The following GGT6 variants were observed in gnomAD, a reference collection of about 807,000 sequenced individuals.
GGT6 encodes gamma-glutamyltransferase 6.
GGT6 carries 13 observed loss-of-function variants against 17.0 expected under a neutral mutation model. The ratio of observed to expected loss-of-function variants is 0.77; its 90% CI spans 0.50 to 1.22. GGT6 has a LOEUF of 1.22. GGT6 is among the 50% of genes most tolerant of loss of function. The probability of loss-of-function intolerance (pLI) is 0.00; values close to 1 mark genes in which losing one functional copy is unlikely to be tolerated. For synonymous variants in GGT6, 305 were observed against 297.9 expected (o/e 1.02, Z -0.25); for missense variants, 628 against 643.7 (o/e 0.98, Z 0.26).
intron 2 of GGT6, 45 bp downstream of exon 2, chr17:4,559,513 A>G (rs754670720): frequency 6.3e-7 from 1 of 1,590,422 alleles, no homozygotes; most frequent in Non-Finnish European, 8.6e-7. Context: ...TGGGCTGGTG[A>G]CCCCTGACCC....
rs768150882 is a variant in GGT6 at position 4,558,229 on chromosome 17, G to T, written c.1286C>A (p.Thr429Asn). 4 of 1,614,124 alleles carry T rather than the reference G, an allele frequency of 2.5e-6. No homozygotes were observed. The highest frequency in any genetic ancestry group is 3.4e-6 in the Non-Finnish European group (4 of 1,180,042). Residue 429 changes from threonine to asparagine, a missense_variant, in exon 4 of 4, where the codon ACC (threonine) becomes AAC (asparagine). Coordinates refer to ENST00000381550, the MANE Select transcript of GGT6 (RefSeq NM_001288702.2). ...AGTCATGGCCCTGGCCACATCAGGG[G>T]TCCCTGAAGCCACAAGCCCCAACAC... ...ADVLGLVASGTPDVARAMTHT... is the reference protein window; with the variant it reads ...ADVLGLVASGNPDVARAMTHT...
At position 4,558,972 on chromosome 17, in the gene GGT6, G is replaced by T; in HGVS notation, c.543C>A (p.Pro181=). The stretch of plus-strand genomic sequence containing the variant: ...GCAGAGCCGCGGGCAGCCCCAGGCC[G>T]GGGGCCAGGGTCTGTGCTGGGCCTG... ...LTSGPAQTLA[P]GLGLPAALPT... Residue 181 remains proline, a synonymous_variant, in exon 4 of 4, where the codon CCC becomes CCA. Transcript: ENST00000381550. 3 of 1,544,456 alleles carry T rather than the reference G, an allele frequency of 1.9e-6. No homozygotes were observed. Among genetic ancestry groups the T allele is most frequent in the Non-Finnish European group, 8.7e-7 (1 of 1,146,340 alleles).
chr17:4,559,506 G>A (rs886270920), intron 2 of GGT6, 50 bp from the exon 3 acceptor site: 1 of 1,585,846 alleles, frequency 6.3e-7, no homozygotes, highest in Non-Finnish European at 8.6e-7. Flanking sequence ...GCTAGGCTGG[G>A]CTGGTGACCC....
Position 4,559,766 on chromosome 17 carries a change from G to A in GGT6, c.141-6C>T, listed in dbSNP as rs1391384024. On this transcript the variant is annotated splice_region_variant and splice_polypyrimidine_tract_variant and intron_variant, in intron 1 of 3. Transcript: ENST00000381550. The stretch of plus-strand genomic sequence containing the variant: ...GCAGCCCGCCAGCCTTGTTCCTGCA[G>A]AGGGGGGGTGTCCTGAGCCACGGCT... 1 of 1,610,016 alleles carries A rather than the reference G, an allele frequency of 6.2e-7. No homozygotes were observed. The highest frequency in any genetic ancestry group is 1.7e-5 in the Admixed American group (1 of 59,998).
chr17:4,560,046 A>C (rs4790203), intron 1 of GGT6: 1 of 571,144 alleles, frequency 1.8e-6, no homozygotes, highest in Non-Finnish European at 3.1e-6. Flanking sequence ...CAGGCAGGAG[A>C]GAAGGGGCTG....
Position 4,559,857 on chromosome 17 carries a change from G to A in GGT6, c.141-97C>T, listed in dbSNP as rs1460785530. 7.1e-6 allele frequency: 8 copies of A among 1,126,354 alleles called. No homozygotes were observed. The East Asian group carries it at 1.5e-4, about 21-fold the overall frequency. The allele number at this position is 1,126,354 out of a possible 1,614,324, so 69.8% of individuals were successfully genotyped here. A position where few individuals can be genotyped will look rare whatever the true frequency, so the allele number is the denominator to read the frequency against. ...AATATTTCCCAAAAGGTTTGATTTA[G>A]CAAGAGGAGCACAAGTCAGCCAAGG... is the stretch of plus-strand genomic sequence containing the variant. On this transcript the variant is annotated intron_variant, in intron 1 of 3. Transcript: ENST00000381550.
At chr17:4,559,262 C>A in intron 3 of GGT6, 81 bp downstream of exon 3, 1 of 1,251,952 alleles carries the variant, frequency 8.0e-7, no homozygotes, top group South Asian at 1.3e-5. Context: ...GTCTTGAGGT[C>A]AGTGCTACTG....
chr17:4,558,565 G>T lies in GGT6; in HGVS notation c.950C>A (p.Thr317Asn). ...TTCTGGGCCAGCTGAGGGACTGGGGGTGGTGAACAGGATGCCCTGGGGCAC... is the reference window on the plus strand; with the variant it reads ...TTCTGGGCCAGCTGAGGGACTGGGGTTGGTGAACAGGATGCCCTGGGGCAC... ...LPVPQGILFT[T>N]PSPSAGPELL... The change falls in exon 4 of 4, where the codon ACC becomes AAC. Residue 317 changes from threonine to asparagine, a missense_variant. By Grantham distance (65) the Thr-to-Asn change is moderately conservative. Transcript: ENST00000381550. 6.4e-7 allele frequency: 1 copy of T among 1,568,898 alleles called. No homozygotes were observed. Among genetic ancestry groups the T allele is most frequent in the Non-Finnish European group, 8.6e-7 (1 of 1,156,930 alleles).
downstream of GGT6, among the ~76,000 whole-genome samples, chr17:4,556,706 C>T (rs887745311): frequency 2.0e-5 from 3 of 152,346 alleles, no homozygotes; most frequent in East Asian, 5.8e-4. Flanking sequence ...CAGCCGCTTC[C>T]CTGCTTTGCT....
chr17:4,558,168 A>G lies in GGT6; in HGVS notation c.1347T>C (p.Pro449=), dbSNP rs1340263373. ...CCTGATGCTGGTGCTGGGCCTGGGT[A>G]GGGGGCCTTGCTGCCAGATGCCTGA... ...TLLRHLAARP[P]TQAQHQHQGQ... is the part of the protein sequence containing the mutation. The change falls in exon 4 of 4, where the codon CCT becomes CCC. Residue 449 remains proline (P), a synonymous_variant. Coordinates refer to ENST00000381550, the MANE Select transcript of GGT6 (RefSeq NM_001288702.2). 1.2e-6 allele frequency: 2 copies of G among 1,613,946 alleles called. No homozygotes were observed. Among genetic ancestry groups the G allele is most frequent in the Admixed American group, 3.3e-5 (2 of 60,014 alleles).
intron 1 of GGT6, chr17:4,560,059 G>A (rs903751739): frequency 5.2e-6 from 3 of 571,780 alleles, no homozygotes; most frequent in African/African-American, 1.9e-5. Context: ...AGGGGCTGGG[G>A]AGCAGGCCCA....
chr17:4,558,185 G>C lies in GGT6; in HGVS notation c.1330C>G (p.Leu444Val). The C allele has an allele frequency of 1.2e-6, 2 of 1,614,128 alleles. No homozygotes were observed. Among genetic ancestry groups the C allele is most frequent in the Non-Finnish European group, 1.7e-6 (2 of 1,179,980 alleles). ...GCCTGGGTAGGGGGCCTTGCTGCCA[G>C]ATGCCTGAGTAGGGTGTGAGTCATG... is the stretch of plus-strand genomic sequence containing the variant. ...RAMTHTLLRH[L>V]AARPPTQAQH... The change falls in exon 4 of 4, where the codon CTG becomes GTG. Residue 444 changes from leucine (L) to valine (V), a missense_variant. Coordinates refer to ENST00000381550, the MANE Select transcript of GGT6 (RefSeq NM_001288702.2).
rs1480908835 is a variant in GGT6 at position 4,559,025 on chromosome 17, A to G, written c.490T>C (p.Ser164Pro). 3.2e-6 allele frequency: 5 copies of G among 1,542,754 alleles called. No individual in the cohort carries two copies. Among genetic ancestry groups the G allele is most frequent in the Non-Finnish European group, 4.4e-6 (5 of 1,146,920 alleles). Residue 164 changes from serine to proline, a missense_variant, in exon 4 of 4, where the codon TCC (serine) becomes CCC (proline). Ser to Pro is a moderately conservative substitution (Grantham distance 74). Transcript: ENST00000381550. ...GTCAGGGCCGTGGAATTGCCTGAGG[A>G]GCTATCGTGGAAGAGGCCCCAAAAC... is the stretch of plus-strand genomic sequence containing the variant. The part of the protein sequence containing the change: ...AMFWGLFHDS[S>P]SGNSTALTSG...
chr17:4,559,789 G>A, intron 1 of GGT6, 29 bp from the exon 2 acceptor site: 1 of 1,599,246 alleles, frequency 6.3e-7, no homozygotes. Flanking sequence ...CTGAGCCACG[G>A]CTGGGACAGA....
rs746290858 is a variant in GGT6 at position 4,558,488 on chromosome 17, G to C, written c.1027C>G (p.Pro343Ala). 5 of 1,607,234 alleles carry C rather than the reference G, an allele frequency of 3.1e-6. No homozygotes were observed. Among genetic ancestry groups the C allele is most frequent in the Non-Finnish European group, 4.2e-6 (5 of 1,178,266 alleles). ...ALRSGAPIPD[P>A]CPPFLQTAVS... Reference sequence around the variant, plus strand: ...GCAGTCTGCAGGAACGGTGGGCAGGGGTCAGGGATGGGCGCCCCGGAGCGC... The same window carrying C: ...GCAGTCTGCAGGAACGGTGGGCAGGCGTCAGGGATGGGCGCCCCGGAGCGC... The change falls in exon 4 of 4, where the codon CCC becomes GCC. Residue 343 changes from proline (P) to alanine (A), a missense_variant. Physicochemically the swap from Pro to Ala is conservative, Grantham distance 27. Coordinates refer to ENST00000381550, the MANE Select transcript of GGT6 (RefSeq NM_001288702.2).
In GGT6 at chr17:4,559,778, C is replaced by T; in HGVS notation, c.141-18G>A. The T allele has an allele frequency of 1.9e-6, 3 of 1,607,510 alleles. No individual in the cohort carries two copies. Among genetic ancestry groups the T allele is most frequent in the Non-Finnish European group, 2.5e-6 (3 of 1,178,020 alleles). On this transcript the variant is annotated intron_variant, in intron 1 of 3. Transcript: ENST00000381550. ...CCTTGTTCCTGCAGAGGGGGGGTGTCCTGAGCCACGGCTGGGACAGAGGGA... is the reference window on the plus strand; with the variant it reads ...CCTTGTTCCTGCAGAGGGGGGGTGTTCTGAGCCACGGCTGGGACAGAGGGA...
chr17:4,556,425 C>G (rs1488034352), downstream of GGT6, among the ~76,000 whole-genome samples: 1 of 151,986 alleles, frequency 6.6e-6, no homozygotes. Context: ...CATTGTGGTG[C>G]CATTACGGAG....
At chr17:4,559,274 C>T (rs534378588) in intron 3 of GGT6, 69 bp downstream of exon 3, 14 of 1,318,246 alleles carry the variant, frequency 1.1e-5, no homozygotes, top group Admixed American at 7.9e-5. Flanking sequence ...GTGCTACTGA[C>T]TCCCTAAGTT....
Position 4,558,394 on chromosome 17 carries a change from G to C in GGT6, c.1121C>G (p.Ser374Trp), listed in dbSNP as rs531441416. ...SSGSVLLLTSSLNCSFGSAHL... is the reference protein window; with the variant it reads ...SSGSVLLLTSWLNCSFGSAHL... Reference sequence around the variant, plus strand: ...TGCAGAGCCAAAGGAGCAGTTGAGCGAGGAGGTGAGAAGGAGCACAGAGCC... The same window carrying C: ...TGCAGAGCCAAAGGAGCAGTTGAGCCAGGAGGTGAGAAGGAGCACAGAGCC... The change falls in exon 4 of 4, where the codon TCG becomes TGG. Residue 374 changes from serine to tryptophan, a missense_variant. Transcript: ENST00000381550. 1.2e-6 allele frequency: 2 copies of C among 1,605,158 alleles called. No homozygotes were observed. The highest frequency in any genetic ancestry group is 1.7e-6 in the Non-Finnish European group (2 of 1,180,004).
Sources: gnomAD v4.1 joint callset for allele counts (sites outside exome capture counted in the v4.1 genomes callset) on GRCh38, gnomAD v4.1.1 for gene constraint, MANE v1.5 for transcripts, NCBI Gene and HGNC (gene_info 2026-07-23, HGNC 2026-07-21) for gene names.